The following SGK1 variants were observed in gnomAD, a reference collection of about 807,000 sequenced individuals.
The protein encoded by SGK1 is serum/glucocorticoid regulated kinase 1, also known as serine/threonine-protein kinase Sgk1.
Under a neutral mutation model 64.2 loss-of-function variants are expected in SGK1, and 26 were observed. The observed-to-expected ratio is 0.40, with a 90% CI of 0.30 to 0.56. The LOEUF is 0.56. Among genes scored for constraint, SGK1 ranks in the 20% least tolerant of loss-of-function variants. SGK1 has a pLI of 0.38. For missense variants in SGK1, 519 were observed against 645.6 expected, an observed-to-expected ratio of 0.80 and a Z score of 2.12; for synonymous variants, 265 against 239.7, an observed-to-expected ratio of 1.11 and a Z score of -0.98.
At chr6:134,206,358 TATATATATATATATATATATATATA>T (rs1390376717) in intron 3 of SGK1, among the ~76,000 whole-genome samples, 15 of 8,216 alleles carry the variant, frequency 1.8e-3, no homozygotes, top group African/African-American at 3.4e-3. Context: ...TATATATATA[TATATATATATATATATATATATATA>T]TTTTTTTTTT....
At position 134,232,447 on chromosome 6, in the gene SGK1, G is replaced by GAA. The variant is rs1776300213; in HGVS notation, c.286-25018_286-25017dup. Among the ~76,000 whole-genome samples, 7 of 34,908 alleles carry GAA rather than the reference G, an allele frequency of 2.0e-4. 1 individual carries two copies. Among genetic ancestry groups the GAA allele is most frequent in the Non-Finnish European group, 3.2e-4 (5 of 15,640 alleles). 22.9% of individuals were successfully genotyped at this position (34,908 alleles called of 152,430 possible). A position where few individuals can be genotyped will look rare whatever the true frequency, so the allele number is the denominator to read the frequency against. On this transcript the variant is annotated intron_variant, in intron 2 of 13. Transcript: ENST00000367858. ...AGAAAGAAAGAAAGAAAGAAAGAAA[G>GAA]AAAGAAAGAAAGAAAGAAAGAAAGA...
chr6:134,241,828 GC>G (rs1776452685), intron 2 of SGK1, among the ~76,000 whole-genome samples: 1 of 151,170 alleles, frequency 6.6e-6, no homozygotes, highest in Admixed American at 6.6e-5. Flanking sequence ...CACCGCGTTA[GC>G]CAGGATGGTC....
chr6:134,317,408 T>C lies in SGK1; in HGVS notation c.53A>G (p.Gln18Arg), dbSNP rs557794340. ...GFPVKKCSAF[Q>R]FFKKRVRRWI... ...TGTCCTTACCCGCTTCTTAAAAAAT[T>C]GGAAGGCTGAGCATTTCTTGACTGG... Residue 18 changes from glutamine (Q) to arginine (R), a missense_variant, in exon 1 of 14, where the codon CAA (glutamine) becomes CGA (arginine). Transcript: ENST00000367858. The C allele has an allele frequency of 1.2e-6, 2 of 1,606,162 alleles. No individual in the cohort carries two copies. Among genetic ancestry groups the C allele is most frequent in the Non-Finnish European group, 1.7e-6 (2 of 1,172,654 alleles).
chr6:134,188,175 GGTCACC>G (rs1344254987), intron 3 of SGK1, among the ~76,000 whole-genome samples: 13 of 152,088 alleles, frequency 8.5e-5, no homozygotes, highest in Non-Finnish European at 1.8e-4. Context: ...CCTCTACTGA[GGTCACC>G]CTTTGCTGAG....
chr6:134,171,981 TCTTA>T (rs1728079448), intron 10 of SGK1: 6 of 688,638 alleles, frequency 8.7e-6, no homozygotes, highest in African/African-American at 3.7e-5. Context: ...ATGATGCAGA[TCTTA>T]CTTACAAACA....
At chr6:134,226,356 G>GTGT (rs1554222326) in intron 2 of SGK1, among the ~76,000 whole-genome samples, 28 of 150,746 alleles carry the variant, frequency 1.9e-4, no homozygotes, top group Non-Finnish European at 3.0e-4. Flanking sequence ...CCAAAAAGGT[G>GTGT]TTTTTTTTTC....
Position 134,173,103 on chromosome 6 carries a change from G to C in SGK1, c.754C>G (p.Pro252Ala), listed in dbSNP as rs1221791686. 1 of 1,613,992 alleles carries C rather than the reference G, an allele frequency of 6.2e-7. No homozygotes were observed. The highest frequency in any genetic ancestry group is 1.7e-5 in the Admixed American group (1 of 60,016). Reference sequence around the variant, plus strand: ...GAGAAGTGAAGGCCCACCAGGAAAGGGTGCTTCACATTCTTCAACAGAACA... The same window carrying C: ...GAGAAGTGAAGGCCCACCAGGAAAGCGTGCTTCACATTCTTCAACAGAACA... The part of the protein sequence containing the change: ...RNVLLKNVKH[P>A]FLVGLHFSFQ... Residue 252 changes from proline to alanine, a missense_variant, in exon 8 of 14, where the codon CCT (proline) becomes GCT (alanine). Around this residue, in one of 2 missense-constraint regions of SGK1, gnomAD observed 278 missense variants for 408.7 expected, o/e 0.68. Coordinates refer to ENST00000367858, the MANE Select transcript of SGK1 (RefSeq NM_001143676.3).
In SGK1 at chr6:134,307,758, G is replaced by A. The variant is rs1057201119; in HGVS notation, c.69+9634C>T. 1.2e-4 allele frequency among the ~76,000 whole-genome samples: 18 copies of A among 152,226 alleles called. No individual in the cohort carries two copies. In the East Asian group the frequency reaches 2.7e-3, roughly 23 times the overall value. On this transcript the variant is annotated intron_variant, in intron 1 of 13. Coordinates refer to ENST00000367858, the MANE Select transcript of SGK1 (RefSeq NM_001143676.3). Reference sequence around the variant, plus strand: ...GGTTGAATCCACAGATGTGGAACCCGTGAATACCTGGAAGCAGTTAAAATC... The same window carrying A: ...GGTTGAATCCACAGATGTGGAACCCATGAATACCTGGAAGCAGTTAAAATC...
chr6:134,229,069 G>C (rs1776236843), intron 2 of SGK1, among the ~76,000 whole-genome samples: 1 of 152,178 alleles, frequency 6.6e-6, no homozygotes, highest in African/African-American at 2.4e-5. Context: ...CTGACCTCGT[G>C]ATCCGCCCGC....
At position 134,207,790 on chromosome 6, in the gene SGK1, T is replaced by C. The variant is rs967353974; in HGVS notation, c.286-359A>G. 1.1e-4 allele frequency among the ~76,000 whole-genome samples: 17 copies of C among 152,352 alleles called. No individual in the cohort carries two copies. The East Asian group carries it at 2.9e-3, about 26-fold the overall frequency. ...CCTGGATTATTAGCAAATTTATCAG[T>C]GTAGACACTCAATACATAAAAAGTG... On this transcript the variant is annotated intron_variant, in intron 2 of 13. Coordinates refer to ENST00000367858, the MANE Select transcript of SGK1 (RefSeq NM_001143676.3).
rs75666578 is a variant in SGK1 at position 134,313,719 on chromosome 6, G to C, written c.69+3673C>G. Reference sequence around the variant, plus strand: ...CATTCCACATCCAAAATTCTGCAGCGTTAGATAGCCTTTCGAATTTTACAA... The same window carrying C: ...CATTCCACATCCAAAATTCTGCAGCCTTAGATAGCCTTTCGAATTTTACAA... On this transcript the variant is annotated intron_variant, in intron 1 of 13. Transcript: ENST00000367858. 4.6e-5 allele frequency among the ~76,000 whole-genome samples: 7 copies of C among 152,210 alleles called. No homozygotes were observed. In the East Asian group the frequency reaches 1.4e-3, roughly 29 times the overall value.
chr6:134,264,793 A>C (rs1776826239), intron 1 of SGK1, among the ~76,000 whole-genome samples: 1 of 151,928 alleles, frequency 6.6e-6, no homozygotes, highest in Non-Finnish European at 1.5e-5. Flanking sequence ...ACAGGCGTGC[A>C]CCACCATGAC....
intron 1 of SGK1, among the ~76,000 whole-genome samples, chr6:134,263,672 AAGC>A (rs1219267568): frequency 6.6e-6 from 1 of 152,188 alleles, no homozygotes; most frequent in Non-Finnish European, 1.5e-5. Flanking sequence ...AAGAAGTATA[AAGC>A]TATTCTAATA....
At chr6:134,206,354 TATATATATATATATATATATATATATATA>T (rs1775772142) in intron 3 of SGK1, among the ~76,000 whole-genome samples, 3 of 9,720 alleles carry the variant, frequency 3.1e-4, no homozygotes, top group Non-Finnish European at 6.0e-4. Flanking sequence ...TATATATATA[TATATATATATATATATATATATATATATA>T]TTTTTTTTTT....
intron 2 of SGK1, among the ~76,000 whole-genome samples, chr6:134,258,890 AGGTG>A (rs1214890537): frequency 6.6e-6 from 1 of 152,134 alleles, no homozygotes; most frequent in East Asian, 1.9e-4. Flanking sequence ...TGGGAGGCTG[AGGTG>A]GGACCACTGC....
chr6:134,197,936 A>G (rs1252244577), intron 3 of SGK1, among the ~76,000 whole-genome samples: 2 of 151,780 alleles, frequency 1.3e-5, no homozygotes, highest in Non-Finnish European at 2.9e-5. Context: ...AATAGCAAAA[A>G]TAGTCCAAAT....
chr6:134,174,056 C>G lies in SGK1; in HGVS notation c.462G>C (p.Lys154Asn), dbSNP rs754829897. ...CKHPEVQSIL[K>N]ISQPQEPELM... is the part of the protein sequence containing the mutation. ...GCTCAGGCTCCTGAGGTTGGGAGATCTTCAAGATGGACTGAACTTCAGGGC... is the reference window on the plus strand; with the variant it reads ...GCTCAGGCTCCTGAGGTTGGGAGATGTTCAAGATGGACTGAACTTCAGGGC... Residue 154 changes from lysine to asparagine, a missense_variant, in exon 5 of 14, where the codon AAG (lysine) becomes AAC (asparagine). Coordinates refer to ENST00000367858, the MANE Select transcript of SGK1 (RefSeq NM_001143676.3). 3.7e-6 allele frequency: 6 copies of G among 1,613,472 alleles called. No individual in the cohort carries two copies. The South Asian group carries it at 4.4e-5, about 12-fold the overall frequency.
At chr6:134,211,421 G>C (rs1482167541) in intron 2 of SGK1, 1 of 152,474 alleles carries the variant, frequency 6.6e-6, no homozygotes, top group Non-Finnish European at 1.5e-5. Context: ...TTGCCTCATT[G>C]AAATCCTGAA....
chr6:134,173,600 C>T, intron 5 of SGK1, 34 bp from the exon 6 acceptor site: 1 of 1,419,770 alleles, frequency 7.0e-7, no homozygotes, highest in Non-Finnish European at 9.7e-7. Context: ...CTTTTAATAC[C>T]ATTGCTTCAA....
Sources: allele counts gnomAD v4.1 joint callset (sites outside exome capture counted in the v4.1 genomes callset), GRCh38; gene constraint gnomAD v4.1.1; regional missense constraint gnomAD v4.1.1; transcripts MANE v1.5; gene names NCBI Gene and HGNC (gene_info 2026-07-23, HGNC 2026-07-21).